Variants in WDR41 observed in about 807,000 individuals in gnomAD.
The protein encoded by WDR41 is WD repeat domain 41.
In WDR41, 63 loss-of-function variants were observed where a neutral mutation model predicts 69.3. The ratio of observed to expected loss-of-function variants is 0.91; its 90% confidence interval spans 0.74 to 1.12. The LOEUF (loss-of-function observed/expected upper bound fraction) is 1.12, where lower values mean the gene tolerates loss of function less well. Among genes scored for constraint, WDR41 ranks in the 50% most tolerant of loss-of-function variants. The pLI is 0.00. For synonymous variants in WDR41, 185 were observed against 192.1 expected (o/e 0.96, Z 0.31); for missense variants, 543 against 534.5 (o/e 1.02, Z -0.16).
At chr5:77,615,391 ATAC>A (rs1401237076) in intron 1 of WDR41, among the ~76,000 whole-genome samples, 2 of 152,190 alleles carry the variant, frequency 1.3e-5, no homozygotes, top group African/African-American at 2.4e-5. Flanking sequence ...ATGCTTTAAT[ATAC>A]TACAACAGAT....
At chr5:77,462,593 T>C (rs1800121504) in intron 4 of WDR41, among the ~76,000 whole-genome samples, 1 of 152,170 alleles carries the variant, frequency 6.6e-6, no homozygotes, top group Admixed American at 6.5e-5. Context: ...TTTACTTTTA[T>C]AAAATTGTTT....
intron 1 of WDR41, among the ~76,000 whole-genome samples, chr5:77,592,899 G>T (rs1476562796): frequency 6.6e-6 from 1 of 152,154 alleles, no homozygotes; most frequent in East Asian, 1.9e-4. Context: ...AACTAATGTG[G>T]TATGGCCAGG....
intron 1 of WDR41, among the ~76,000 whole-genome samples, chr5:77,592,199 A>T: frequency 6.6e-6 from 1 of 151,752 alleles, no homozygotes; most frequent in Non-Finnish European, 1.5e-5. Flanking sequence ...TTATCCTTTT[A>T]TTTTCAGTCT....
chr5:77,596,329 G>A (rs1744227493), intron 1 of WDR41, among the ~76,000 whole-genome samples: 2 of 152,074 alleles, frequency 1.3e-5, no homozygotes, highest in Admixed American at 1.3e-4. Context: ...TGTGTTTTTA[G>A]TGGAGACGGG....
At chr5:77,597,952 T>C (rs925320946) in intron 1 of WDR41, among the ~76,000 whole-genome samples, 3 of 152,200 alleles carry the variant, frequency 2.0e-5, no homozygotes, top group Non-Finnish European at 2.9e-5. Flanking sequence ...AGAAAGACTT[T>C]AGTTAGAATC....
intron 1 of WDR41, among the ~76,000 whole-genome samples, chr5:77,553,647 C>T (rs1743338311): frequency 2.0e-5 from 3 of 151,766 alleles, no homozygotes; most frequent in Non-Finnish European, 4.4e-5. Context: ...AAGACATAAA[C>T]AGACATTTAC....
intron 9 of WDR41, among the ~76,000 whole-genome samples, chr5:77,439,698 AAAG>A (rs541631317): frequency 5.3e-5 from 8 of 152,370 alleles, no homozygotes; most frequent in South Asian, 4.1e-4. Context: ...ACTCACAACA[AAAG>A]AAGAAAAATT....
At chr5:77,564,626 C>T (rs902372568) in intron 1 of WDR41, among the ~76,000 whole-genome samples, 3 of 152,174 alleles carry the variant, frequency 2.0e-5, no homozygotes, top group East Asian at 1.9e-4. Flanking sequence ...ATATGAGGTT[C>T]TATTCTTAAC....
At chr5:77,499,698 G>A (rs1801988952) in intron 1 of WDR41, 1 of 152,158 alleles carries the variant, frequency 6.6e-6, no homozygotes, top group Non-Finnish European at 1.5e-5. Context: ...CAGAGAGATA[G>A]TGGAAATAGA....
At chr5:77,526,901 C>T (rs939956721) in intron 1 of WDR41, among the ~76,000 whole-genome samples, 2 of 152,074 alleles carry the variant, frequency 1.3e-5, no homozygotes, top group African/African-American at 4.8e-5. Flanking sequence ...TGGCTCCTTT[C>T]TTAGCCAGTG....
At chr5:77,435,225 T>G (rs1040784053) in intron 12 of WDR41, among the ~76,000 whole-genome samples, 1 of 152,208 alleles carries the variant, frequency 6.6e-6, no homozygotes, top group Non-Finnish European at 1.5e-5. Context: ...AAGGAGCTTA[T>G]GATGACAAGG....
chr5:77,574,961 T>C (rs1743803272), intron 1 of WDR41, among the ~76,000 whole-genome samples: 1 of 152,030 alleles, frequency 6.6e-6, no homozygotes, highest in South Asian at 2.1e-4. Flanking sequence ...TATGCACAAC[T>C]AGAAATGAGG....
At chr5:77,479,927 G>A (rs7714011) in intron 2 of WDR41, among the ~76,000 whole-genome samples, 2,751 of 151,932 alleles carry the variant, frequency 0.018, 71 homozygotes, top group African/African-American at 0.064. Flanking sequence ...CTACTCATCT[G>A]ACAAAGGGCT....
intron 4 of WDR41, among the ~76,000 whole-genome samples, chr5:77,459,878 G>T (rs1202630657): frequency 6.6e-6 from 1 of 152,150 alleles, no homozygotes; most frequent in African/African-American, 2.4e-5. Flanking sequence ...AAGTAGTTAT[G>T]TCCCACAATA....
chr5:77,608,986 C>T lies in WDR41; in HGVS notation c.42+11493G>A, dbSNP rs1042890571. On this transcript the variant is annotated intron_variant, in intron 1 of 5. Transcript: ENST00000509971. ...CTTTTCCGACGGGCTTAAAAAACGG[C>T]GCACCGGGAGATTATATCCCGCACC... Among the ~76,000 whole-genome samples the T allele has an allele frequency of 1.4e-4, 22 of 152,284 alleles. 1 individual carries two copies. Among genetic ancestry groups the T allele is most frequent in the East Asian group, 5.8e-4 (3 of 5,178 alleles).
chr5:77,447,749 AC>A (rs1421104461), intron 8 of WDR41, among the ~76,000 whole-genome samples: 1 of 152,144 alleles, frequency 6.6e-6, no homozygotes, highest in Non-Finnish European at 1.5e-5. Flanking sequence ...GGGGAACAAC[AC>A]ACACCAGCAC....
At chr5:77,581,324 T>A (rs941679222) in intron 1 of WDR41, among the ~76,000 whole-genome samples, 3 of 152,332 alleles carry the variant, frequency 2.0e-5, no homozygotes, top group Admixed American at 1.3e-4. Flanking sequence ...TAGGCATATA[T>A]GCTTCTGAAA....
intron 2 of WDR41, among the ~76,000 whole-genome samples, chr5:77,478,308 C>G (rs1801055857): frequency 1.3e-5 from 2 of 152,146 alleles, no homozygotes; most frequent in South Asian, 2.1e-4. Flanking sequence ...AGAGGGAATC[C>G]TCCCTAACTC....
intron 1 of WDR41, among the ~76,000 whole-genome samples, chr5:77,551,093 G>T (rs1460890311): frequency 1.3e-5 from 2 of 152,088 alleles, no homozygotes; most frequent in Non-Finnish European, 2.9e-5. Flanking sequence ...AAAGTACTAG[G>T]CTATTGAGTA....
Sources: allele counts gnomAD v4.1 joint callset (sites outside exome capture counted in the v4.1 genomes callset), GRCh38; gene constraint gnomAD v4.1.1; transcripts MANE v1.5; gene names NCBI Gene and HGNC (gene_info 2026-07-23, HGNC 2026-07-21).